The following NMD3 variants were observed in gnomAD, a reference collection of about 807,000 sequenced individuals.
NMD3 encodes NMD3 ribosome export adaptor.
NMD3 carries 47 observed loss-of-function variants against 73.1 expected under a neutral mutation model. That is an observed-to-expected ratio of 0.64 (90% CI 0.51 to 0.82). NMD3 has a LOEUF of 0.82. Ranked by LOEUF, NMD3 falls within the 40% of genes least tolerant of loss-of-function variation. The pLI, the probability that NMD3 is intolerant of heterozygous loss-of-function variation, is 0.00. For missense variants in NMD3, 554 were observed against 612.5 expected (o/e 0.90, Z 1.01); for synonymous variants, 210 against 194.5 (o/e 1.08, Z -0.66).
At chr3:161,242,717 T>G in intron 11 of NMD3, 64 bp downstream of exon 11, 1 of 1,497,500 alleles carries the variant, frequency 6.7e-7, no homozygotes, top group Non-Finnish European at 9.0e-7. Context: ...TTTCAGTCCC[T>G]CTTTTAAAAA....
chr3:161,236,675 TC>T (rs1736768475), intron 7 of NMD3, among the ~76,000 whole-genome samples: 1 of 152,230 alleles, frequency 6.6e-6, no homozygotes, highest in Non-Finnish European at 1.5e-5. Flanking sequence ...TCCTATAGTT[TC>T]TTTCAAGTGT....
chr3:161,236,523 A>C (rs1371474654), intron 7 of NMD3, among the ~76,000 whole-genome samples: 2 of 152,012 alleles, frequency 1.3e-5, no homozygotes, highest in African/African-American at 4.8e-5. Context: ...GAAAATTCAC[A>C]CTCTATATTC....
rs769698988 is a variant in NMD3 at position 161,235,194 on chromosome 3, C to T, written c.559C>T (p.Arg187Cys). The stretch of plus-strand genomic sequence containing the variant: ...ATATGGAATGCATCAGAATACACTT[C>T]GTATCAAAGAGATTCATGGTGAGTT... ...LKYGMHQNTLRIKEIHDGLDF... is the reference protein window; with the variant it reads ...LKYGMHQNTLCIKEIHDGLDF... The change falls in exon 7 of 16, where the codon CGT (arginine) becomes TGT (cysteine). Residue 187 changes from arginine (R) to cysteine (C), a missense_variant. By Grantham distance (180) the Arg-to-Cys change is radical (BLOSUM62 -3). Coordinates refer to ENST00000351193, the MANE Select transcript of NMD3 (RefSeq NM_015938.5). The T allele has an allele frequency of 4.6e-6, 7 of 1,534,380 alleles. No homozygotes were observed. Among genetic ancestry groups the T allele is most frequent in the East Asian group, 4.5e-5 (2 of 44,094 alleles).
chr3:161,252,817 G>C, downstream of NMD3: 1 of 694,386 alleles, frequency 1.4e-6, no homozygotes, highest in Non-Finnish European at 2.6e-6. Context: ...GTCACTGAGG[G>C]GCCAAGTGTG....
chr3:161,222,022 T>C lies in NMD3; in HGVS notation c.9T>C (p.Tyr3=). The change falls in exon 2 of 16, where the codon TAT becomes TAC. Residue 3 remains tyrosine, a synonymous_variant. Transcript: ENST00000351193. ME[Y]MAESTDRSPG... ...TTAAGGCATACAGAACGATGGAGTA[T>C]ATGGCAGAATCCACCGACCGCAGCC... 1.3e-6 allele frequency: 2 copies of C among 1,545,382 alleles called. No homozygotes were observed. Among genetic ancestry groups the C allele is most frequent in the South Asian group, 1.1e-5 (1 of 90,014 alleles).
At chr3:161,227,115 G>T in intron 3 of NMD3, 132 bp from the exon 4 acceptor site, 2 of 534,008 alleles carry the variant, frequency 3.7e-6, no homozygotes, top group Non-Finnish European at 6.7e-6. Flanking sequence ...ATATGTTTGA[G>T]TTAAGTGCTT....
rs1213524947 is a variant in NMD3 at position 161,252,026 on chromosome 3, T to A, written c.*1116T>A. On this transcript the variant is annotated 3_prime_UTR_variant, in exon 16 of 16. Coordinates refer to ENST00000351193, the MANE Select transcript of NMD3 (RefSeq NM_015938.5). ...CAAGTGCCACTGTGTGGAACATTTT[T>A]CTTTTTTTTAATATTGGACTTTCCA... 1 of 152,216 alleles carries A rather than the reference T, an allele frequency of 6.6e-6. No individual in the cohort carries two copies. Among genetic ancestry groups the A allele is most frequent in the Non-Finnish European group, 1.5e-5 (1 of 68,038 alleles). 9.4% of individuals were successfully genotyped at this position (152,216 alleles called of 1,614,324 possible). A position where few individuals can be genotyped will look rare whatever the true frequency, so the allele number is the denominator to read the frequency against.
At chr3:161,238,689 G>T (rs1474895344) in intron 8 of NMD3, 41 bp from the exon 9 acceptor site, 2 of 944,240 alleles carry the variant, frequency 2.1e-6, no homozygotes, top group Admixed American at 1.8e-5. Flanking sequence ...ACAGGTTAAT[G>T]ATCTTTGTCT....
intron 11 of NMD3, among the ~76,000 whole-genome samples, chr3:161,244,911 A>G (rs1399643754): frequency 6.6e-6 from 1 of 151,700 alleles, no homozygotes; most frequent in Non-Finnish European, 1.5e-5. Context: ...AAATCCTCAT[A>G]TTGCCCTAAA....
chr3:161,235,588 A>C (rs908884871), intron 7 of NMD3, among the ~76,000 whole-genome samples: 3 of 152,124 alleles, frequency 2.0e-5, no homozygotes, highest in Non-Finnish European at 4.4e-5. Flanking sequence ...GTGACATTGA[A>C]AAGAGTTAGA....
At chr3:161,226,000 G>C (rs1225833626) in intron 3 of NMD3, among the ~76,000 whole-genome samples, 2 of 152,112 alleles carry the variant, frequency 1.3e-5, no homozygotes, top group African/African-American at 2.4e-5. Context: ...GGTGGAGTTA[G>C]AAAAGTACTG....
downstream of NMD3, among the ~76,000 whole-genome samples, chr3:161,252,617 T>A (rs993595822): frequency 3.9e-5 from 6 of 152,206 alleles, no homozygotes; most frequent in Admixed American, 3.3e-4. Flanking sequence ...GTTCCCATAC[T>A]CAAGAGTCTT....
At chr3:161,236,149 C>T (rs1212449328) in intron 7 of NMD3, among the ~76,000 whole-genome samples, 1 of 151,820 alleles carries the variant, frequency 6.6e-6, no homozygotes, top group African/African-American at 2.4e-5. Flanking sequence ...TACCTTTTTC[C>T]ACTGCCCATT....
chr3:161,226,433 C>G (rs12494725), intron 3 of NMD3, among the ~76,000 whole-genome samples: 7,706 of 151,550 alleles, frequency 0.051, 503 homozygotes, highest in African/African-American at 0.14. Flanking sequence ...GGGGATGGAG[C>G]GAGACTCTGT....
chr3:161,224,721 A>G (rs1248274826), intron 2 of NMD3, among the ~76,000 whole-genome samples: 5 of 151,936 alleles, frequency 3.3e-5, no homozygotes, highest in Non-Finnish European at 5.9e-5. Flanking sequence ...TCCTTATCTC[A>G]GGTGATCTAC....
At chr3:161,244,266 A>C (rs551156402) in intron 11 of NMD3, among the ~76,000 whole-genome samples, 1 of 152,066 alleles carries the variant, frequency 6.6e-6, no homozygotes, top group Non-Finnish European at 1.5e-5. Context: ...AGTAGCTGGG[A>C]CCACAAGTAT....
chr3:161,240,274 A>T (rs1239466728), intron 9 of NMD3, among the ~76,000 whole-genome samples: 3 of 152,178 alleles, frequency 2.0e-5, no homozygotes, highest in African/African-American at 7.2e-5. Flanking sequence ...AAATGTAGAC[A>T]TGTGACTTTT....
intron 3 of NMD3, 24 bp downstream of exon 3, chr3:161,225,088 C>A: frequency 6.3e-7 from 1 of 1,596,878 alleles, no homozygotes; most frequent in Non-Finnish European, 8.5e-7. Flanking sequence ...CAATTTTGCT[C>A]TTTTTAAAGT....
downstream of NMD3, chr3:161,253,408 C>T (rs569529541): frequency 1.3e-5 from 2 of 152,080 alleles, no homozygotes; most frequent in Non-Finnish European, 2.9e-5. Context: ...TACAAAATGT[C>T]GCAAGTATTC....
Sources: allele counts gnomAD v4.1 joint callset (sites outside exome capture counted in the v4.1 genomes callset), GRCh38; gene constraint gnomAD v4.1.1; transcripts MANE v1.5; gene names NCBI Gene and HGNC (gene_info 2026-07-23, HGNC 2026-07-21).